DNMT3B: variants seen among roughly 807,000 people sequenced by gnomAD.
DNMT3B encodes DNA (cytosine-5)-methyltransferase 3B.
Under a neutral mutation model 120.2 loss-of-function variants are expected in DNMT3B, and 37 were observed. That is an observed-to-expected ratio of 0.31 (90% CI 0.24 to 0.40). The LOEUF (loss-of-function observed/expected upper bound fraction) is 0.40. Ranked by LOEUF, DNMT3B falls within the 10% of genes least tolerant of loss-of-function variation. DNMT3B has a pLI of 1.00. For missense variants in DNMT3B, 878 were observed against 1,137.3 expected, an observed-to-expected ratio of 0.77 and a Z score of 3.28; for synonymous variants, 412 against 442.8, an observed-to-expected ratio of 0.93 and a Z score of 0.87.
intron 7 of DNMT3B, among the ~76,000 whole-genome samples, 192 bp downstream of exon 7, chr20:32,789,204 C>T (rs1054511815): frequency 6.6e-6 from 1 of 152,224 alleles, no homozygotes; most frequent in African/African-American, 2.4e-5. Flanking sequence ...GACAAAAGTG[C>T]TAGAAAGTTC....
intron 12 of DNMT3B, among the ~76,000 whole-genome samples, 189 bp downstream of exon 12, chr20:32,795,883 T>C (rs1980565185): frequency 6.6e-6 from 1 of 152,130 alleles, no homozygotes; most frequent in African/African-American, 2.4e-5. Context: ...TTGTGCCCCT[T>C]AAGAGAAAGG....
At chr20:32,780,593 T>C in intron 2 of DNMT3B, 128 bp downstream of exon 2, 1 of 1,446,730 alleles carries the variant, frequency 6.9e-7, no homozygotes, top group Non-Finnish European at 9.3e-7. Flanking sequence ...GGAAGAGAGC[T>C]CTAGCAAGGA....
chr20:32,762,478 C>G lies in DNMT3B; in HGVS notation c.-228C>G, dbSNP rs1987016928. 1 of 198,894 alleles carries G rather than the reference C, an allele frequency of 5.0e-6. No homozygotes were observed. Among genetic ancestry groups the G allele is most frequent in the Non-Finnish European group, 1.0e-5 (1 of 96,706 alleles). The allele number at this position is 198,894 out of a possible 1,614,324, so 12.3% of individuals were successfully genotyped here. On this transcript the variant is annotated 5_prime_UTR_variant, in exon 1 of 23. Coordinates refer to ENST00000328111, the MANE Select transcript of DNMT3B (RefSeq NM_006892.4). ...CAGCCCGCGTGGACGCTCCGAGCGC[C>G]CCCCGACGGACGGGACCGGCTCCCT...
At chr20:32,784,630 G>T (rs909106120) in intron 3 of DNMT3B, 128 bp from the exon 4 acceptor site, 2 of 968,370 alleles carry the variant, frequency 2.1e-6, no homozygotes, top group Non-Finnish European at 3.2e-6. Flanking sequence ...TATGCAGTGT[G>T]TTGTGATGAG....
At position 32,800,225 on chromosome 20, in the gene DNMT3B, T is replaced by C; in HGVS notation, c.1832T>C (p.Ile611Thr). Residue 611 changes from isoleucine (I) to threonine (T), a missense_variant, in exon 17 of 23, where the codon ATT (isoleucine) becomes ACT (threonine). Coordinates refer to ENST00000328111, the MANE Select transcript of DNMT3B (RefSeq NM_006892.4). Reference protein sequence around the residue: ...YVASEVCEESIAVGTVKHEGN... With the variant: ...YVASEVCEESTAVGTVKHEGN... Reference sequence around the variant, plus strand: ...GCTTCTGAAGTGTGTGAGGAGTCCATTGCTGTTGGAACCGTGAAGCACGAG... The same window carrying C: ...GCTTCTGAAGTGTGTGAGGAGTCCACTGCTGTTGGAACCGTGAAGCACGAG... 1 of 1,614,192 alleles carries C rather than the reference T, an allele frequency of 6.2e-7. No individual in the cohort carries two copies. Among genetic ancestry groups the C allele is most frequent in the South Asian group, 1.1e-5 (1 of 91,080 alleles).
At chr20:32,767,546 C>T (rs529582287) in intron 1 of DNMT3B, among the ~76,000 whole-genome samples, 1 of 152,110 alleles carries the variant, frequency 6.6e-6, no homozygotes, top group South Asian at 2.1e-4. Flanking sequence ...TATCCTCCCA[C>T]TTCAGTCTCC....
chr20:32,793,219 C>G (rs376325876), intron 9 of DNMT3B, among the ~76,000 whole-genome samples: 5 of 152,200 alleles, frequency 3.3e-5, no homozygotes, highest in African/African-American at 7.2e-5. Flanking sequence ...AAAGGCCAGG[C>G]CTAGTGGCTC....
At chr20:32,778,035 G>T (rs192396400) in intron 1 of DNMT3B, among the ~76,000 whole-genome samples, 10 of 152,300 alleles carry the variant, frequency 6.6e-5, no homozygotes. Context: ...GTGTTAAAAT[G>T]TCTTGTGAAA....
intron 20 of DNMT3B, among the ~76,000 whole-genome samples, chr20:32,803,547 C>T (rs1981611546): frequency 6.6e-6 from 1 of 152,186 alleles, no homozygotes; most frequent in Non-Finnish European, 1.5e-5. Context: ...ACGCTGTTGC[C>T]ATTTTCATGG....
chr20:32,784,213 ATTC>A (rs1339951529), intron 3 of DNMT3B, among the ~76,000 whole-genome samples: 2 of 151,980 alleles, frequency 1.3e-5, no homozygotes, highest in Non-Finnish European at 2.9e-5. Context: ...TAATTTTTGT[ATTC>A]TTAGTAGAGA....
At chr20:32,794,680 G>T (rs577619741) in intron 10 of DNMT3B, among the ~76,000 whole-genome samples, 1 of 152,148 alleles carries the variant, frequency 6.6e-6, no homozygotes, top group African/African-American at 2.4e-5. Flanking sequence ...TACAAATCAT[G>T]ATTTTTTTAG....
intron 1 of DNMT3B, among the ~76,000 whole-genome samples, chr20:32,766,952 G>A (rs528499442): frequency 2.6e-4 from 40 of 152,124 alleles, no homozygotes; most frequent in African/African-American, 7.7e-4. Flanking sequence ...GTGCAATGGC[G>A]TGGTCTCGGC....
At position 32,800,256 on chromosome 20, in the gene DNMT3B, T is replaced by C. The variant is rs752978856; in HGVS notation, c.1863T>C (p.Asn621=). ...IAVGTVKHEG[N]IKYVNDVRNI... ...TTGGAACCGTGAAGCACGAGGGGAA[T>C]ATCAAATACGTGAACGACGTGAGGA... is the stretch of plus-strand genomic sequence containing the variant. Residue 621 remains asparagine, a synonymous_variant, in exon 17 of 23, where the codon AAT becomes AAC. Coordinates refer to ENST00000328111, the MANE Select transcript of DNMT3B (RefSeq NM_006892.4). The C allele has an allele frequency of 6.8e-6, 11 of 1,614,178 alleles. No individual in the cohort carries two copies. In the South Asian group the frequency reaches 1.2e-4, roughly 18 times the overall value.
At chr20:32,786,676 G>A (rs774906208) in intron 5 of DNMT3B, 49 bp downstream of exon 5, 1 of 1,611,912 alleles carries the variant, frequency 6.2e-7, no homozygotes, top group Admixed American at 1.7e-5. Context: ...CTAACTGGGA[G>A]ATATGCCTCA....
At chr20:32,764,709 C>A (rs1020722686) in intron 1 of DNMT3B, among the ~76,000 whole-genome samples, 4 of 152,070 alleles carry the variant, frequency 2.6e-5, no homozygotes, top group Admixed American at 2.6e-4. Context: ...TTTACCTTTT[C>A]CCATTGGGGT....
chr20:32,800,795 C>T, intron 17 of DNMT3B, 40 bp from the exon 18 acceptor site: 1 of 1,606,050 alleles, frequency 6.2e-7, no homozygotes, highest in Non-Finnish European at 8.5e-7. Flanking sequence ...CTCTTTCCCT[C>T]TGTCCACACC....
intron 5 of DNMT3B, 150 bp from the exon 6 acceptor site, chr20:32,787,080 T>A (rs1979377555): frequency 2.2e-6 from 2 of 903,050 alleles, no homozygotes; most frequent in Non-Finnish European, 3.6e-6. Flanking sequence ...GGGATACGTG[T>A]TCCTGGAAAA....
chr20:32,808,156 T>A lies in DNMT3B; in HGVS notation c.*253T>A. 1 of 538,524 alleles carries A rather than the reference T, an allele frequency of 1.9e-6. No homozygotes were observed. Among genetic ancestry groups the A allele is most frequent in the Non-Finnish European group, 3.3e-6 (1 of 306,366 alleles). The allele number at this position is 538,524 out of a possible 1,614,324, so 33.4% of individuals were successfully genotyped here. A position where few individuals can be genotyped will look rare whatever the true frequency, so the allele number is the denominator to read the frequency against. ...ACACGGTGCTCATTTTTTCTTCTCC[T>A]AAAACTTTAAAACTTGAAGTAGGTA... On this transcript the variant is annotated 3_prime_UTR_variant, in exon 23 of 23. Coordinates refer to ENST00000328111, the MANE Select transcript of DNMT3B (RefSeq NM_006892.4).
chr20:32,771,448 C>T (rs1987731699), intron 1 of DNMT3B, among the ~76,000 whole-genome samples: 1 of 152,042 alleles, frequency 6.6e-6, no homozygotes, highest in Non-Finnish European at 1.5e-5. Context: ...CGAGACCAGC[C>T]TGGCCAGCAT....
Sources: gnomAD v4.1 joint callset for allele counts (sites outside exome capture counted in the v4.1 genomes callset) on GRCh38, gnomAD v4.1.1 for gene constraint, MANE v1.5 for transcripts, NCBI Gene and HGNC (gene_info 2026-07-23, HGNC 2026-07-21) for gene names.